MACROD2: variants seen among roughly 807,000 people sequenced by gnomAD.
MACROD2 encodes the protein ADP-ribose glycohydrolase MACROD2.
Under a neutral mutation model 70.4 loss-of-function variants are expected in MACROD2, and 36 were observed. The observed-to-expected ratio is 0.51, with a 90% CI of 0.39 to 0.68. The LOEUF (loss-of-function observed/expected upper bound fraction) is 0.68. MACROD2 is among the 30% of genes least tolerant of loss of function. The pLI, the probability that MACROD2 is intolerant of heterozygous loss-of-function variation, is 0.00. For synonymous variants in MACROD2, 172 were observed against 178.8 expected (o/e 0.96, Z 0.30); for missense variants, 496 against 538.4 (o/e 0.92, Z 0.78).
chr20:15,932,133 C>A (rs2065589173), intron 10 of MACROD2, among the ~76,000 whole-genome samples: 1 of 152,138 alleles, frequency 6.6e-6, no homozygotes, highest in Non-Finnish European at 1.5e-5. Context: ...ATTTGGTTGG[C>A]AGCTGGCAGG....
At chr20:15,194,051 G>T (rs2076589027) in intron 5 of MACROD2, among the ~76,000 whole-genome samples, 1 of 151,852 alleles carries the variant, frequency 6.6e-6, no homozygotes, top group Non-Finnish European at 1.5e-5. Flanking sequence ...TTCAAGACCA[G>T]CCTGGCAAAC....
chr20:14,622,560 C>T (rs1216167104), intron 4 of MACROD2, among the ~76,000 whole-genome samples: 2 of 152,076 alleles, frequency 1.3e-5, no homozygotes, highest in African/African-American at 4.8e-5. Context: ...ATAAAAACTT[C>T]CAGAAACTTC....
At chr20:14,978,884 AAT>A (rs1381817251) in intron 5 of MACROD2, among the ~76,000 whole-genome samples, 2 of 11,828 alleles carry the variant, frequency 1.7e-4, no homozygotes, top group African/African-American at 2.9e-4. Context: ...TAATATATAA[AAT>A]ATATATATTA....
chr20:14,536,626 G>GGTGTGT (rs11471542), intron 4 of MACROD2, among the ~76,000 whole-genome samples: 3,370 of 139,132 alleles, frequency 0.024, 96 homozygotes, highest in African/African-American at 0.054. Flanking sequence ...AGGTAACATT[G>GGTGTGT]GTGTGTGTGT....
chr20:14,847,001 C>T (rs1428164337), intron 5 of MACROD2, among the ~76,000 whole-genome samples: 2 of 151,930 alleles, frequency 1.3e-5, no homozygotes, highest in African/African-American at 4.8e-5. Flanking sequence ...AATAAAGAAA[C>T]TTATGTACAC....
intron 10 of MACROD2, chr20:15,893,976 G>A (rs1164735987): frequency 2.2e-6 from 1 of 456,142 alleles, no homozygotes; most frequent in East Asian, 7.0e-5. Context: ...CCTGCACTGG[G>A]CAGGAATAGC....
chr20:15,072,272 G>C (rs540535649), intron 5 of MACROD2, among the ~76,000 whole-genome samples: 2 of 152,092 alleles, frequency 1.3e-5, no homozygotes. Flanking sequence ...AAGATCTTCG[G>C]TATCTTTCAT....
At chr20:15,803,043 C>T (rs1388680857) in intron 8 of MACROD2, among the ~76,000 whole-genome samples, 2 of 151,780 alleles carry the variant, frequency 1.3e-5, no homozygotes, top group African/African-American at 4.8e-5. Flanking sequence ...AAAGAAAAGC[C>T]CAGGACCAGA....
intron 2 of MACROD2, among the ~76,000 whole-genome samples, chr20:14,023,012 C>T (rs1371579435): frequency 1.3e-5 from 2 of 152,076 alleles, no homozygotes; most frequent in Non-Finnish European, 2.9e-5. Flanking sequence ...AATCGCCACA[C>T]TGTCTTCCAC....
intron 6 of MACROD2, among the ~76,000 whole-genome samples, chr20:15,350,386 C>T (rs946775194): frequency 1.3e-5 from 2 of 152,004 alleles, no homozygotes; most frequent in South Asian, 2.1e-4. Flanking sequence ...TTTTAATTGC[C>T]GATGCACTTC....
chr20:14,826,981 G>T (rs1327383178), intron 5 of MACROD2, among the ~76,000 whole-genome samples: 1 of 152,026 alleles, frequency 6.6e-6, no homozygotes, highest in Non-Finnish European at 1.5e-5. Flanking sequence ...GGCACATTAG[G>T]ATAAAATAGT....
chr20:14,681,221 A>G (rs2070928280), intron 4 of MACROD2, among the ~76,000 whole-genome samples: 1 of 152,212 alleles, frequency 6.6e-6, no homozygotes, highest in African/African-American at 2.4e-5. Flanking sequence ...TTAGTTCTTT[A>G]TAAAATAAAT....
At chr20:14,087,941 T>C (rs1050634510) in intron 3 of MACROD2, among the ~76,000 whole-genome samples, 3 of 152,078 alleles carry the variant, frequency 2.0e-5, no homozygotes, top group South Asian at 2.1e-4. Flanking sequence ...TTTATATATA[T>C]ACACACATAT....
chr20:14,118,977 C>T (rs2054546712), intron 3 of MACROD2, among the ~76,000 whole-genome samples: 1 of 151,134 alleles, frequency 6.6e-6, no homozygotes, highest in African/African-American at 2.4e-5. Flanking sequence ...TCCTGAGTAG[C>T]TGGGACTACA....
At chr20:14,798,120 A>G (rs762965170) in intron 5 of MACROD2, among the ~76,000 whole-genome samples, 1 of 152,020 alleles carries the variant, frequency 6.6e-6, no homozygotes, top group Non-Finnish European at 1.5e-5. Context: ...TTATTTTCAG[A>G]TATGTTCTAC....
chr20:14,072,948 A>AG (rs1245783931), intron 2 of MACROD2, among the ~76,000 whole-genome samples: 1 of 151,916 alleles, frequency 6.6e-6, no homozygotes, highest in Non-Finnish European at 1.5e-5. Flanking sequence ...AAAAAAAAAA[A>AG]GCATATAGAT....
chr20:15,862,752 G>A lies in MACROD2; in HGVS notation c.653G>A (p.Arg218Gln), dbSNP rs1601012421. The A allele has an allele frequency of 6.2e-6, 10 of 1,611,002 alleles. No individual in the cohort carries two copies. The highest frequency in any genetic ancestry group is 5.4e-5 in the African/African-American group (4 of 74,528). ...WLAKNHHEVD[R>Q]IIFCVFLEVD... ...TTTATCTTTTGCCTCTAGGTGGATC[G>A]GATCATTTTCTGTGTCTTCTTAGAA... is the stretch of plus-strand genomic sequence containing the variant. Residue 218 changes from arginine to glutamine, a missense_variant, in exon 9 of 18, where the codon CGG becomes CAG. By Grantham distance (43) the Arg-to-Gln change is conservative (BLOSUM62 1). Transcript: ENST00000684519.
intron 15 of MACROD2, among the ~76,000 whole-genome samples, chr20:15,995,111 A>G (rs1241310075): frequency 6.6e-6 from 1 of 152,156 alleles, no homozygotes; most frequent in Non-Finnish European, 1.5e-5. Context: ...TCTAATGACT[A>G]GCAGTGGGAT....
chr20:15,889,583 G>A (rs1251992150), intron 10 of MACROD2, among the ~76,000 whole-genome samples: 3 of 152,150 alleles, frequency 2.0e-5, no homozygotes, highest in South Asian at 2.1e-4. Flanking sequence ...TACTCCCATG[G>A]GAGGTAGAAG....
Sources: gnomAD v4.1 joint callset for allele counts (sites outside exome capture counted in the v4.1 genomes callset) on GRCh38, gnomAD v4.1.1 for gene constraint, MANE v1.5 for transcripts, NCBI Gene and HGNC (gene_info 2026-07-23, HGNC 2026-07-21) for gene names.